Variants in DCLK2 observed in about 807,000 individuals in gnomAD.
DCLK2 encodes doublecortin like kinase 2.
In DCLK2, 31 loss-of-function variants were observed where a neutral mutation model predicts 78.4. The observed-to-expected ratio is 0.40, with a 90% CI of 0.30 to 0.53. The LOEUF is 0.53. Among genes scored for constraint, DCLK2 ranks in the 20% least tolerant of loss-of-function variants. The pLI is 0.61. For missense variants in DCLK2, 872 were observed against 973.7 expected, an observed-to-expected ratio of 0.90 and a Z score of 1.39; for synonymous variants, 407 against 374.9, an observed-to-expected ratio of 1.09 and a Z score of -0.99.
intron 2 of DCLK2, among the ~76,000 whole-genome samples, chr4:150,130,186 C>G (rs1379573767): frequency 6.6e-6 from 1 of 152,050 alleles, no homozygotes; most frequent in Admixed American, 6.6e-5. Context: ...TCACTGAGAG[C>G]CCCCCTTACC....
intron 15 of DCLK2, among the ~76,000 whole-genome samples, chr4:150,250,882 TCCCCACAC>T (rs1743767234): frequency 2.7e-4 from 2 of 7,354 alleles, no homozygotes; most frequent in African/African-American, 9.2e-4. Flanking sequence ...TCCCCCACAC[TCCCCACAC>T]CCCCCACACC....
intron 15 of DCLK2, chr4:150,253,622 T>C (rs1744346102): frequency 1.6e-6 from 2 of 1,281,290 alleles, no homozygotes; most frequent in African/African-American, 3.1e-5. Flanking sequence ...TGCATGCTTG[T>C]CTCAGTTTCT....
chr4:150,239,825 A>G lies in DCLK2; in HGVS notation c.1650A>G (p.Thr550=). ...CTGTGGTAGAAGGCCCTTTATACAC[A>G]GTCTGTGGCACACCCACTTATGTGG... ...LATVVEGPLY[T]VCGTPTYVAP... Residue 550 remains threonine, a synonymous_variant, in exon 11 of 16, where the codon ACA becomes ACG. Coordinates refer to ENST00000296550, the MANE Select transcript of DCLK2 (RefSeq NM_001040260.4). 1 of 1,614,224 alleles carries G rather than the reference A, an allele frequency of 6.2e-7. No homozygotes were observed. The highest frequency in any genetic ancestry group is 8.5e-7 in the Non-Finnish European group (1 of 1,180,046).
chr4:150,154,738 A>G (rs1735141105), intron 2 of DCLK2, among the ~76,000 whole-genome samples: 1 of 152,176 alleles, frequency 6.6e-6, no homozygotes, highest in Non-Finnish European at 1.5e-5. Flanking sequence ...TCATGGTAGG[A>G]AGCTTATTTT....
intron 15 of DCLK2, 146 bp from the exon 16 acceptor site, chr4:150,255,874 C>A: frequency 7.2e-7 from 1 of 1,387,460 alleles, no homozygotes; most frequent in Non-Finnish European, 9.6e-7. Flanking sequence ...CATTACTCTC[C>A]TGTGAGGCTT....
rs185153989 is a variant in DCLK2 at position 150,106,068 on chromosome 4, A to G, written c.756+3256A>G. Reference sequence around the variant, plus strand: ...GTTAATTATTTTTTCATGTGCCAAAAAAAGATCTTTTAAGACTTTCAAGTA... The same window carrying G: ...GTTAATTATTTTTTCATGTGCCAAAGAAAGATCTTTTAAGACTTTCAAGTA... On this transcript the variant is annotated intron_variant, in intron 2 of 15. Coordinates refer to ENST00000296550, the MANE Select transcript of DCLK2 (RefSeq NM_001040260.4). Among the ~76,000 whole-genome samples the G allele has an allele frequency of 1.2e-4, 19 of 152,228 alleles. No homozygotes were observed. In the East Asian group the frequency reaches 3.5e-3, roughly 28 times the overall value.
At chr4:150,230,446 C>G (rs982429843) in intron 8 of DCLK2, among the ~76,000 whole-genome samples, 3 of 152,110 alleles carry the variant, frequency 2.0e-5, no homozygotes, top group Non-Finnish European at 2.9e-5. Flanking sequence ...ATAGACTCTT[C>G]TAACTTTGGG....
intron 2 of DCLK2, among the ~76,000 whole-genome samples, chr4:150,128,274 T>C (rs749642442): frequency 9.2e-5 from 14 of 152,056 alleles, no homozygotes; most frequent in Non-Finnish European, 5.9e-5. Flanking sequence ...ATGACTTAAT[T>C]TGATGGATAT....
chr4:150,112,826 C>T (rs1325172563), intron 2 of DCLK2, among the ~76,000 whole-genome samples: 1 of 100,038 alleles, frequency 1.0e-5, no homozygotes, highest in Non-Finnish European at 1.8e-5. Flanking sequence ...CCGCCCCCCG[C>T]CCCGGACAGA....
intron 2 of DCLK2, among the ~76,000 whole-genome samples, chr4:150,154,216 A>C (rs1482388443): frequency 3.9e-5 from 6 of 151,926 alleles, no homozygotes; most frequent in Non-Finnish European, 5.9e-5. Flanking sequence ...TACGTTTGTC[A>C]CTCTTTCTCT....
At chr4:150,191,284 A>G (rs1229218871) in intron 2 of DCLK2, among the ~76,000 whole-genome samples, 1 of 152,024 alleles carries the variant, frequency 6.6e-6, no homozygotes, top group African/African-American at 2.4e-5. Flanking sequence ...AAAGGTAGCC[A>G]CTGAGGGCTG....
chr4:150,129,372 A>G (rs1355156761), intron 2 of DCLK2, among the ~76,000 whole-genome samples: 2 of 152,120 alleles, frequency 1.3e-5, no homozygotes, highest in African/African-American at 4.8e-5. Context: ...AAATGCTTCT[A>G]CGCTTTGGCT....
intron 2 of DCLK2, among the ~76,000 whole-genome samples, chr4:150,164,626 C>T (rs563488309): frequency 6.6e-6 from 1 of 152,194 alleles, no homozygotes; most frequent in African/African-American, 2.4e-5. Context: ...TGATGAAACC[C>T]CATCTCTACT....
At chr4:150,157,843 G>T (rs1246334563) in intron 2 of DCLK2, among the ~76,000 whole-genome samples, 1 of 152,116 alleles carries the variant, frequency 6.6e-6, no homozygotes, top group Non-Finnish European at 1.5e-5. Context: ...TTCCGGACTG[G>T]TCTTGAACTC....
chr4:150,247,524 C>T, intron 12 of DCLK2, 79 bp from the exon 13 acceptor site: 1 of 1,260,120 alleles, frequency 7.9e-7, no homozygotes, highest in African/African-American at 1.5e-5. Flanking sequence ...ACTCCTTTCC[C>T]CGCTCTTCCT....
chr4:150,164,226 A>C (rs1379454702), intron 2 of DCLK2, among the ~76,000 whole-genome samples: 1 of 152,174 alleles, frequency 6.6e-6, no homozygotes, highest in African/African-American at 2.4e-5. Context: ...CCTTGGAGAG[A>C]CTTTGGCTGT....
intron 2 of DCLK2, among the ~76,000 whole-genome samples, chr4:150,156,330 A>T (rs1020289621): frequency 6.6e-6 from 1 of 152,006 alleles, no homozygotes; most frequent in Non-Finnish European, 1.5e-5. Flanking sequence ...GACCCTGTGT[A>T]ATAAGAAGGA....
chr4:150,135,947 T>C (rs1733656824), intron 2 of DCLK2, among the ~76,000 whole-genome samples: 2 of 152,134 alleles, frequency 1.3e-5, no homozygotes, highest in South Asian at 2.1e-4. Context: ...CATACAGAGC[T>C]TTGTGGGGTT....
At chr4:150,187,501 C>T (rs1350928441) in intron 2 of DCLK2, among the ~76,000 whole-genome samples, 2 of 152,194 alleles carry the variant, frequency 1.3e-5, no homozygotes, top group Non-Finnish European at 2.9e-5. Flanking sequence ...GAAGCCTTTC[C>T]TGACCACCCT....
Sources: allele counts gnomAD v4.1 joint callset (sites outside exome capture counted in the v4.1 genomes callset), GRCh38; gene constraint gnomAD v4.1.1; transcripts MANE v1.5; gene names NCBI Gene and HGNC (gene_info 2026-07-23, HGNC 2026-07-21).